WDR81: variants seen among roughly 807,000 people sequenced by gnomAD.
The protein encoded by WDR81 is WD repeat domain 81.
In WDR81, 92 loss-of-function variants were observed where a neutral mutation model predicts 140.8. The observed-to-expected ratio is 0.65, with a 90% CI of 0.55 to 0.78. The LOEUF is 0.78. Among genes scored for constraint, WDR81 ranks in the 30% least tolerant of loss-of-function variants. The probability of loss-of-function intolerance (pLI) is 0.00; values close to 1 mark genes in which losing one functional copy is unlikely to be tolerated. For missense variants in WDR81, 2,502 were observed against 2,636.4 expected (o/e 0.95, Z 1.12); for synonymous variants, 1,183 against 1,156.4 (o/e 1.02, Z -0.47).
upstream of WDR81, among the ~76,000 whole-genome samples, chr17:1,722,064 G>A (rs1914892886): frequency 1.3e-5 from 2 of 151,756 alleles, no homozygotes; most frequent in South Asian, 2.1e-4. Flanking sequence ...CGGAGATTGC[G>A]GTGAGCTGAG....
chr17:1,735,407 C>T lies in WDR81; in HGVS notation c.5180-165C>T, dbSNP rs553863588. ...TTGCACCACTGCACTCCAGCCTGGG[C>T]GACAAAGCGAGACTCCATCTCAAAA... On this transcript the variant is annotated intron_variant, in intron 7 of 9. Coordinates refer to ENST00000409644, the MANE Select transcript of WDR81 (RefSeq NM_001163809.2). This position sits in a 1 kb window ranked among gnomAD's most constrained non-coding sequence, Gnocchi z 4.2. Among the ~76,000 whole-genome samples, 16 of 152,222 alleles carry T rather than the reference C, an allele frequency of 1.1e-4. No homozygotes were observed. Among genetic ancestry groups the T allele is most frequent in the Admixed American group, 5.2e-4 (8 of 15,280 alleles).
intron 1 of WDR81, among the ~76,000 whole-genome samples, chr17:1,717,454 G>A (rs1292358658): frequency 6.6e-6 from 1 of 152,214 alleles, no homozygotes; most frequent in African/African-American, 2.4e-5. Flanking sequence ...TGAGGCTGGA[G>A]GGTGAGATCC....
intron 9 of WDR81, among the ~76,000 whole-genome samples, chr17:1,736,424 C>T (rs533764152): frequency 5.9e-5 from 9 of 152,248 alleles, no homozygotes; most frequent in African/African-American, 2.2e-4. Flanking sequence ...GGAGGCAGGC[C>T]ATGGGGGCGG....
rs773855045 is a variant in WDR81 at position 1,730,847 on chromosome 17, A to G, written c.3868A>G (p.Ile1290Val). Reference protein sequence around the residue: ...IYQKRPVLGDIVSGPVLSCLL... With the variant: ...IYQKRPVLGDVVSGPVLSCLL... ...CCAGAAGAGGCCGGTCCTGGGCGAC[A>G]TCGTGTCAGGGCCTGTGCTCAGCTG... Residue 1290 changes from isoleucine to valine, a missense_variant, in exon 3 of 10, where the codon ATC becomes GTC. Ile to Val is a conservative substitution (Grantham distance 29). This residue lies in a region of WDR81 where 1,737 missense variants were observed against 1,843.0 expected (regional missense o/e 0.94). Coordinates refer to ENST00000409644, the MANE Select transcript of WDR81 (RefSeq NM_001163809.2). The G allele has an allele frequency of 1.6e-5, 26 of 1,612,740 alleles. No homozygotes were observed. Among genetic ancestry groups the G allele is most frequent in the Non-Finnish European group, 1.9e-5 (22 of 1,179,988 alleles).
chr17:1,735,828 G>A lies in WDR81; in HGVS notation c.5325+111G>A, dbSNP rs1466330870. The A allele has an allele frequency of 2.1e-6, 3 of 1,451,014 alleles. No homozygotes were observed. Among genetic ancestry groups the A allele is most frequent in the Middle Eastern group, 2.3e-4 (1 of 4,438 alleles). 89.9% of individuals were successfully genotyped at this position (1,451,014 alleles called of 1,614,324 possible). A position where few individuals can be genotyped will look rare whatever the true frequency, so the allele number is the denominator to read the frequency against. ...GGATGTTGTTCTGGGGCCCTAGTTAGTTTCTCTTTGGTGCTAGATCACCCA... is the reference window on the plus strand; with the variant it reads ...GGATGTTGTTCTGGGGCCCTAGTTAATTTCTCTTTGGTGCTAGATCACCCA... On this transcript the variant is annotated intron_variant, in intron 8 of 9. Coordinates refer to ENST00000409644, the MANE Select transcript of WDR81 (RefSeq NM_001163809.2). This position sits in a 1 kb window ranked among gnomAD's most constrained non-coding sequence, Gnocchi z 4.2.
rs1435310336 is a variant in WDR81, at chr17:1,717,667, C to G, written c.-124+1034C>G. ...CTCCTCCTTGCTTACCCTCCTCCATCCCCTTATCCACTCCCATGGGTGGTG... is the reference window on the plus strand; with the variant it reads ...CTCCTCCTTGCTTACCCTCCTCCATGCCCTTATCCACTCCCATGGGTGGTG... On this transcript the variant is annotated intron_variant, in intron 1 of 10. Coordinates refer to the WDR81 transcript ENST00000309182. Among the ~76,000 whole-genome samples, 120 of 152,200 alleles carry G rather than the reference C, an allele frequency of 7.9e-4. 2 individuals are homozygous for G. The highest frequency in any genetic ancestry group is 8.8e-5 in the Non-Finnish European group (6 of 68,044).
Position 1,737,789 on chromosome 17 carries a change from C to G in WDR81, c.*104C>G. On this transcript the variant is annotated 3_prime_UTR_variant, in exon 10 of 10. Transcript: ENST00000409644. ...AGCTCCCTCCAGGGAGGCCCTGGGTCCCACGCCCTGGGTGCCCACATGGCC... is the reference window on the plus strand; with the variant it reads ...AGCTCCCTCCAGGGAGGCCCTGGGTGCCACGCCCTGGGTGCCCACATGGCC... 1 of 1,401,170 alleles carries G rather than the reference C, an allele frequency of 7.1e-7. No individual in the cohort carries two copies. Among genetic ancestry groups the G allele is most frequent in the African/African-American group, 1.4e-5 (1 of 69,638 alleles). The allele number at this position is 1,401,170 out of a possible 1,614,324, so 86.8% of individuals were successfully genotyped here. A position where few individuals can be genotyped will look rare whatever the true frequency, so the allele number is the denominator to read the frequency against.
rs1915430227 is a variant in WDR81, at chr17:1,728,213, TC to T, written c.3256del (p.Gln1086LysfsTer6). On this transcript the variant is annotated frameshift_variant, in exon 1 of 10. Coordinates refer to ENST00000409644, the MANE Select transcript of WDR81 (RefSeq NM_001163809.2). LOFTEE classifies it high-confidence loss of function. ...DQADLPETED[F>X]QAGLYVTESP... ...GCTGACCTCCCTGAGACAGAGGACT[TC>T]CAAGCCGGGCTCTATGTGACTGAGT... The T allele has an allele frequency of 6.2e-7, 1 of 1,605,304 alleles. No homozygotes were observed. The highest frequency in any genetic ancestry group is 1.3e-5 in the African/African-American group (1 of 74,736).
intron 1 of WDR81, among the ~76,000 whole-genome samples, chr17:1,719,336 A>G (rs1055047957): frequency 2.7e-5 from 4 of 146,136 alleles, no homozygotes; most frequent in African/African-American, 5.1e-5. Context: ...TCACGAGGTC[A>G]GGAGATGGAG....
chr17:1,734,798 A>C (rs538264321), intron 7 of WDR81, among the ~76,000 whole-genome samples: 101 of 151,178 alleles, frequency 6.7e-4, no homozygotes, highest in Middle Eastern at 3.4e-3. Context: ...AAAAAGAAGA[A>C]GATAACACAT....
chr17:1,732,461 TTC>T lies in WDR81; in HGVS notation c.4299_4300del (p.Gln1434AlafsTer3). ...GCCCGTGGCCACCTTTTTCCAGGTCTTCTCTCAGCTGCATGAGCTTCGGCAAC... is the reference window on the plus strand; with the variant it reads ...GCCCGTGGCCACCTTTTTCCAGGTCTTCTCAGCTGCATGAGCTTCGGCAAC... ...SEPVATFFQV[F>X]SQLHELRQQD... On this transcript the variant is annotated frameshift_variant, in exon 5 of 10. Coordinates refer to ENST00000409644, the MANE Select transcript of WDR81 (RefSeq NM_001163809.2). LOFTEE classifies it high-confidence loss of function. 2 of 1,613,382 alleles carry T rather than the reference TTC, an allele frequency of 1.2e-6. No individual in the cohort carries two copies. The highest frequency in any genetic ancestry group is 2.2e-5 in the South Asian group (2 of 91,080).
Position 1,725,534 on chromosome 17 carries a change from TGG to T in WDR81, c.577_578del (p.Gly193Ter). ...GTCTATGGTTGCTCCTTCCTGCCAG[TGG>T]GTGAAACTACCCAATGCCCTTCATA... On this transcript the variant is annotated frameshift_variant, in exon 1 of 10. Transcript: ENST00000409644. LOFTEE classifies it high-confidence loss of function. The T allele has an allele frequency of 6.5e-7, 1 of 1,545,350 alleles. No individual in the cohort carries two copies. Among genetic ancestry groups the T allele is most frequent in the Non-Finnish European group, 8.7e-7 (1 of 1,146,964 alleles).
At chr17:1,722,134 A>T (rs1321388855), upstream of WDR81, among the ~76,000 whole-genome samples, 4 of 152,038 alleles carry the variant, frequency 2.6e-5, no homozygotes, top group Non-Finnish European at 5.9e-5. Context: ...AAAAAAAAAA[A>T]TCTTCTTAAA....
intron 1 of WDR81, among the ~76,000 whole-genome samples, chr17:1,719,599 C>CAT (rs1422609807): frequency 1.3e-5 from 2 of 151,182 alleles, no homozygotes; most frequent in Non-Finnish European, 2.9e-5. Flanking sequence ...CACAGTGGCT[C>CAT]ATACCTGTAA....
intron 2 of WDR81, 58 bp downstream of exon 2, chr17:1,730,545 G>A (rs1484824289): frequency 2.6e-6 from 4 of 1,541,424 alleles, no homozygotes; most frequent in Non-Finnish European, 3.5e-6. Context: ...CCTCTGCCTA[G>A]CTTCAGCGCT....
intron 1 of WDR81, among the ~76,000 whole-genome samples, chr17:1,719,319 A>G (rs185894045): frequency 3.0e-4 from 46 of 152,194 alleles, no homozygotes; most frequent in Non-Finnish European, 5.7e-4. Context: ...AGGCTGAGGC[A>G]GGCGGATCAC....
At chr17:1,732,633 A>T in intron 5 of WDR81, 33 bp from the exon 6 acceptor site, 1 of 1,580,338 alleles carries the variant, frequency 6.3e-7, no homozygotes. Flanking sequence ...GGAGCTGTGG[A>T]CCCGGCTGAC....
In WDR81 at chr17:1,733,938, T is replaced by G. The variant is rs760246094; in HGVS notation, c.4901T>G (p.Phe1634Cys). The change falls in exon 7 of 10, where the codon TTT becomes TGT. Residue 1634 changes from phenylalanine (F) to cysteine (C), a missense_variant. Phe to Cys is a radical substitution (Grantham distance 205). This residue lies in a region of WDR81 where 1,737 missense variants were observed against 1,843.0 expected (regional missense o/e 0.94). Coordinates refer to ENST00000409644, the MANE Select transcript of WDR81 (RefSeq NM_001163809.2). ...EIGVSQQDAH[F>C]HFHQIRLQSF... ...GGCGTGAGCCAGCAGGATGCCCACT[T>G]TCACTTCCACCAGATCCGCCTGCAG... The G allele has an allele frequency of 6.2e-7, 1 of 1,612,704 alleles. No homozygotes were observed. The highest frequency in any genetic ancestry group is 2.2e-5 in the East Asian group (1 of 44,866).
intron 7 of WDR81, among the ~76,000 whole-genome samples, chr17:1,734,539 G>C (rs1213587378): frequency 6.6e-6 from 1 of 152,190 alleles, no homozygotes; most frequent in East Asian, 1.9e-4. Flanking sequence ...CCAGCACTTT[G>C]GGAGGCTGAG....
Sources: allele counts gnomAD v4.1 joint callset (sites outside exome capture counted in the v4.1 genomes callset), GRCh38; gene constraint gnomAD v4.1.1; regional missense constraint gnomAD v4.1.1; non-coding constraint Gnocchi (gnomAD v3.1); transcripts MANE v1.5; gene names NCBI Gene and HGNC (gene_info 2026-07-23, HGNC 2026-07-21).